Variants in PAK3 observed in about 807,000 individuals in gnomAD.
The protein encoded by PAK3 is serine/threonine-protein kinase PAK 3.
PAK3 carries 4 observed loss-of-function variants against 41.0 expected under a neutral mutation model. The observed-to-expected ratio is 0.10, with a 90% CI of 0.05 to 0.22. The LOEUF (loss-of-function observed/expected upper bound fraction) is 0.22, where lower values mean the gene tolerates loss of function less well. Among genes scored for constraint, PAK3 ranks in the 10% least tolerant of loss-of-function variants. PAK3 has a pLI of 1.00. For synonymous variants in PAK3, 146 were observed against 139.6 expected (o/e 1.05, Z -0.32); for missense variants, 205 against 409.9 (o/e 0.50, Z 4.32).
chrX:111,189,294 G>A (rs1408497326), intron 11 of PAK3, among the ~76,000 whole-genome samples: 1 of 111,903 alleles, frequency 8.9e-6, no homozygotes, highest in African/African-American at 3.3e-5. Context: ...TGGTGTACAT[G>A]TACCACATTT....
chrX:111,192,464 A>T (rs1367657996), intron 12 of PAK3, 42 bp from the exon 13 acceptor site: 1 of 714,560 alleles, frequency 1.4e-6, no homozygotes, highest in Admixed American at 2.2e-5. Flanking sequence ...CATGTTTATT[A>T]TAATGATTGT....
At chrX:110,997,107 G>T (rs769925763) in intron 1 of PAK3, among the ~76,000 whole-genome samples, 1 of 111,399 alleles carries the variant, frequency 9.0e-6, no homozygotes, top group Non-Finnish European at 1.9e-5. Context: ...ATCATACCTA[G>T]TATGTTTGAA....
intron 16 of PAK3, among the ~76,000 whole-genome samples, chrX:111,203,670 A>G (rs1237370235): frequency 1.8e-5 from 2 of 111,971 alleles, no homozygotes; most frequent in Admixed American, 9.5e-5. Flanking sequence ...ATTGGCTTAT[A>G]TGGCTAGAGA....
intron 16 of PAK3, among the ~76,000 whole-genome samples, chrX:111,198,705 A>G (rs1332103779): frequency 9.0e-6 from 1 of 110,513 alleles, no homozygotes; most frequent in Non-Finnish European, 1.9e-5. Context: ...TTTTTTTACC[A>G]GTACCATGCT....
intron 1 of PAK3, among the ~76,000 whole-genome samples, chrX:111,086,977 G>A (rs1051159114): frequency 5.4e-5 from 6 of 111,105 alleles, no homozygotes; most frequent in Non-Finnish European, 9.4e-5. Flanking sequence ...CTTTAAAAAC[G>A]TGTGTTAGCG....
Position 111,188,345 on chromosome X carries a change from G to A in PAK3, c.831-3782G>A, listed in dbSNP as rs763207213. ...TGGGGGTTAGGGAGACAGAGGTGTT[G>A]AATAACAGAAAGGGCACCTGGGCAG... On this transcript the variant is annotated intron_variant, in intron 11 of 17. Coordinates refer to ENST00000372007, the MANE Select transcript of PAK3 (RefSeq NM_002578.5). 3.6e-5 allele frequency among the ~76,000 whole-genome samples: 4 copies of A among 110,371 alleles called. No homozygotes were observed. In the South Asian group the frequency reaches 1.6e-3, roughly 43 times the overall value.
intron 11 of PAK3, among the ~76,000 whole-genome samples, chrX:111,180,229 A>G (rs1311875737): frequency 1.8e-5 from 2 of 111,650 alleles, no homozygotes; most frequent in Non-Finnish European, 3.8e-5. Flanking sequence ...AGTTGCATCT[A>G]TTATTGTTTA....
intron 8 of PAK3, among the ~76,000 whole-genome samples, chrX:111,161,820 T>A (rs2094193851): frequency 9.0e-6 from 1 of 111,285 alleles, no homozygotes; most frequent in Non-Finnish European, 1.9e-5. Flanking sequence ...GTTCCATTGG[T>A]CTGTATCTCT....
At chrX:111,051,329 G>A (rs1026730501) in intron 1 of PAK3, among the ~76,000 whole-genome samples, 1 of 111,310 alleles carries the variant, frequency 9.0e-6, no homozygotes, top group African/African-American at 3.3e-5. Context: ...TAGAAATCTC[G>A]AGTCTTTGAG....
chrX:111,052,901 A>G (rs2092571727), intron 1 of PAK3, among the ~76,000 whole-genome samples: 2 of 112,185 alleles, frequency 1.8e-5, no homozygotes, highest in Non-Finnish European at 3.8e-5. Flanking sequence ...AACAGCATAT[A>G]TTGGTGTATC....
At position 111,220,682 on chromosome X, in the gene PAK3, TTC is replaced by T. The variant is rs2094920954; in HGVS notation, c.*236_*237del. 9.9e-6 allele frequency: 4 copies of T among 403,439 alleles called. No homozygotes were observed. In the Admixed American group the frequency reaches 1.3e-4, roughly 13 times the overall value. The allele number at this position is 403,439 out of a possible 1,213,427, so 33.2% of individuals were successfully genotyped here. On this transcript the variant is annotated 3_prime_UTR_variant, in exon 18 of 18. Transcript: ENST00000372007. ...GTTGAAGTGACCATAAAGTGGTCAC[TTC>T]CACCGTGAAGCGAAAGAGCCAGTAG...
At chrX:111,216,294 T>G in intron 16 of PAK3, 127 bp from the exon 17 acceptor site, 1 of 517,223 alleles carries the variant, frequency 1.9e-6, no homozygotes, top group Non-Finnish European at 3.4e-6. Flanking sequence ...AATATATGTG[T>G]CATTCTCTAA....
intron 12 of PAK3, 21 bp downstream of exon 12, chrX:111,192,196 CTGAT>C (rs767976541): frequency 2.0e-5 from 20 of 994,176 alleles, no homozygotes; most frequent in Non-Finnish European, 2.9e-5. Flanking sequence ...ACGTTCAATC[CTGAT>C]TTTTATTTTC....
intron 1 of PAK3, among the ~76,000 whole-genome samples, chrX:111,016,692 T>A (rs866987205): frequency 2.2e-5 from 2 of 91,233 alleles, no homozygotes; most frequent in Middle Eastern, 6.3e-3. Context: ...GCATTACTTA[T>A]CTCACATATA....
upstream of PAK3, among the ~76,000 whole-genome samples, chrX:111,091,542 G>A (rs943539326): frequency 3.6e-5 from 4 of 111,669 alleles, no homozygotes; most frequent in African/African-American, 1.3e-4. Context: ...GAAAGAACTC[G>A]AAGACCCAAG....
intron 4 of PAK3, among the ~76,000 whole-genome samples, chrX:111,108,513 A>T (rs2093314771): frequency 8.9e-6 from 1 of 112,351 alleles, no homozygotes; most frequent in African/African-American, 3.2e-5. Flanking sequence ...TTCCTGTCAG[A>T]TCAGCAGCAA....
intron 4 of PAK3, among the ~76,000 whole-genome samples, chrX:111,110,112 A>G (rs2093344603): frequency 1.8e-5 from 2 of 112,408 alleles, no homozygotes; most frequent in Non-Finnish European, 3.8e-5. Flanking sequence ...GTGGGCCATG[A>G]TAAGATTTCA....
intron 1 of PAK3, among the ~76,000 whole-genome samples, chrX:110,989,348 A>T (rs910955158): frequency 8.9e-6 from 1 of 112,459 alleles, no homozygotes; most frequent in Non-Finnish European, 1.9e-5. Context: ...TAATAAACAG[A>T]TAATGAAAAT....
chrX:110,966,776 G>A (rs1405881024), intron 1 of PAK3, among the ~76,000 whole-genome samples: 1 of 111,110 alleles, frequency 9.0e-6, no homozygotes, highest in Non-Finnish European at 1.9e-5. Flanking sequence ...TCTGTAGGTA[G>A]TCAAGTTGTA....
Sources: allele counts gnomAD v4.1 joint callset (sites outside exome capture counted in the v4.1 genomes callset), GRCh38; gene constraint gnomAD v4.1.1; transcripts MANE v1.5; gene names NCBI Gene and HGNC (gene_info 2026-07-23, HGNC 2026-07-21).